The following CAMK2B variants were observed in gnomAD, a reference collection of about 807,000 sequenced individuals.
The protein encoded by CAMK2B is calcium/calmodulin-dependent protein kinase type II subunit beta.
Under a neutral mutation model 93.7 loss-of-function variants are expected in CAMK2B, and 27 were observed. That is an observed-to-expected ratio of 0.29 (90% confidence interval 0.21 to 0.40). The LOEUF is 0.40. CAMK2B is among the 10% of genes least tolerant of loss of function. The pLI is 1.00. For missense variants in CAMK2B, 568 were observed against 895.8 expected (o/e 0.63, Z 4.67); for synonymous variants, 374 against 358.8 (o/e 1.04, Z -0.48).
chr7:44,284,350 A>C, intron 1 of CAMK2B, 125 bp from the exon 2 acceptor site: 1 of 702,238 alleles, frequency 1.4e-6, no homozygotes, highest in South Asian at 1.7e-5. Context: ...GGCCTCGGGC[A>C]GATGGCTGTG....
chr7:44,230,123 C>T (rs969526839), intron 17 of CAMK2B: 1 of 152,316 alleles, frequency 6.6e-6, no homozygotes, highest in Non-Finnish European at 1.5e-5. Context: ...GATGGAGAAC[C>T]TCTGGACAGC....
At position 44,224,569 on chromosome 7, in the gene CAMK2B, G is replaced by T. The variant is rs1225699375; in HGVS notation, c.1597+1947C>A. On this transcript the variant is annotated intron_variant, in intron 20 of 23. Transcript: ENST00000395749. The surrounding 1 kb of genome is among the most constrained non-coding windows in gnomAD (Gnocchi z 4.4). ...CTTTGCATTGCCTGTGGCTCTCTTG[G>T]GGTGAGGCAACAGGTCCAGGCAGGC... Among the ~76,000 whole-genome samples, 1 of 152,110 alleles carries T rather than the reference G, an allele frequency of 6.6e-6. No homozygotes were observed. Among genetic ancestry groups the T allele is most frequent in the Non-Finnish European group, 1.5e-5 (1 of 68,014 alleles).
At chr7:44,244,925 C>T (rs780133862) in intron 6 of CAMK2B, 1 of 456,160 alleles carries the variant, frequency 2.2e-6, no homozygotes, top group East Asian at 7.0e-5. Flanking sequence ...GGGGCACACG[C>T]ATCCGTGTCC....
chr7:44,311,944 A>G lies in CAMK2B; in HGVS notation c.65+13413T>C, dbSNP rs1793677675. Among the ~76,000 whole-genome samples the G allele has an allele frequency of 6.6e-6, 1 of 152,138 alleles. No individual in the cohort carries two copies. The highest frequency in any genetic ancestry group is 1.5e-5 in the Non-Finnish European group (1 of 68,008). Reference sequence around the variant, plus strand: ...CCCAGGGTCATACAACGGGGCCCAAATGAGGCACAGGCCCATCCTCACCAC... The same window carrying G: ...CCCAGGGTCATACAACGGGGCCCAAGTGAGGCACAGGCCCATCCTCACCAC... On this transcript the variant is annotated intron_variant, in intron 1 of 23. Coordinates refer to ENST00000395749, the MANE Select transcript of CAMK2B (RefSeq NM_001220.5). This position sits in a 1 kb window ranked among gnomAD's most constrained non-coding sequence, Gnocchi z 4.2.
In CAMK2B at chr7:44,224,608, G is replaced by T. The variant is rs1011469307; in HGVS notation, c.1597+1908C>A. ...GTCCAGGCAGGCCTAATGCGTCCAG[G>T]TGGGGTCAGAGCAGGTTCTCATCCT... On this transcript the variant is annotated intron_variant, in intron 20 of 23. Transcript: ENST00000395749. This position sits in a 1 kb window ranked among gnomAD's most constrained non-coding sequence, Gnocchi z 4.4. 6.6e-6 allele frequency among the ~76,000 whole-genome samples: 1 copy of T among 152,156 alleles called. No individual in the cohort carries two copies. The highest frequency in any genetic ancestry group is 1.5e-5 in the Non-Finnish European group (1 of 68,014).
intron 16 of CAMK2B, 92 bp downstream of exon 16, chr7:44,232,730 C>A: frequency 7.8e-7 from 1 of 1,286,256 alleles, no homozygotes; most frequent in Non-Finnish European, 1.1e-6. Flanking sequence ...GGACATCTGC[C>A]CTCCACTCTG....
rs190777495 is a variant in CAMK2B at position 44,241,952 on chromosome 7, C to T, written c.820-169G>A. Among the ~76,000 whole-genome samples the T allele has an allele frequency of 8.6e-4, 131 of 152,310 alleles. 1 individual carries two copies. The highest frequency in any genetic ancestry group is 3.0e-3 in the African/African-American group (123 of 41,572). On this transcript the variant is annotated intron_variant, in intron 10 of 23. Transcript: ENST00000395749. ...GCCTGGGACTTCAAGACTCGTCTCT[C>T]CCTTGCCTCGTCCACTCTGCCCCTC... is the stretch of plus-strand genomic sequence containing the variant.
chr7:44,305,663 G>T (rs1019307565), intron 1 of CAMK2B, among the ~76,000 whole-genome samples: 3 of 152,170 alleles, frequency 2.0e-5, no homozygotes, highest in African/African-American at 4.8e-5. Flanking sequence ...CAGGACTTGA[G>T]CCAAGTAGAG....
intron 20 of CAMK2B, among the ~76,000 whole-genome samples, chr7:44,222,826 G>C (rs1258915268): frequency 2.4e-5 from 1 of 42,418 alleles, no homozygotes; most frequent in Non-Finnish European, 4.5e-5. Flanking sequence ...CACCACCAGG[G>C]AGCCCACCTG....
chr7:44,225,427 C>T lies in CAMK2B; in HGVS notation c.1597+1089G>A, dbSNP rs2096463300. Among the ~76,000 whole-genome samples the T allele has an allele frequency of 6.6e-6, 1 of 152,090 alleles. No individual in the cohort carries two copies. Among genetic ancestry groups the T allele is most frequent in the African/African-American group, 2.4e-5 (1 of 41,418 alleles). On this transcript the variant is annotated intron_variant, in intron 20 of 23. Transcript: ENST00000395749. This position sits in a 1 kb window ranked among gnomAD's most constrained non-coding sequence, Gnocchi z 5.0. ...GCCTCCCTCCTTGAGTTCTGGTCGC[C>T]CAGGCACCCCGACCCTATCAGCATC... is the stretch of plus-strand genomic sequence containing the variant.
chr7:44,225,774 C>T lies in CAMK2B; in HGVS notation c.1597+742G>A, dbSNP rs1467506919. 7.8e-7 allele frequency: 1 copy of T among 1,289,532 alleles called. No homozygotes were observed. 79.9% of individuals were successfully genotyped at this position (1,289,532 alleles called of 1,614,324 possible). On this transcript the variant is annotated intron_variant, in intron 20 of 23. Transcript: ENST00000395749. This position sits in a 1 kb window ranked among gnomAD's most constrained non-coding sequence, Gnocchi z 5.0. The stretch of plus-strand genomic sequence containing the variant: ...CCTCAAGTACTTACCTAGCCACTGC[C>T]CTGCCATGCCGAGCCCGTGGCCCAG...
At chr7:44,242,708 G>T in intron 8 of CAMK2B, 54 bp from the exon 9 acceptor site, 4 of 1,279,838 alleles carry the variant, frequency 3.1e-6, no homozygotes, top group Non-Finnish European at 4.5e-6. Context: ...CACCGTCCAT[G>T]AAGCCCATGC....
chr7:44,260,154 G>A (rs556287637), intron 3 of CAMK2B, among the ~76,000 whole-genome samples: 2 of 152,300 alleles, frequency 1.3e-5, no homozygotes, highest in East Asian at 1.9e-4. Flanking sequence ...ACAGTAAGAC[G>A]TAGCCACCTT....
intron 20 of CAMK2B, among the ~76,000 whole-genome samples, chr7:44,222,133 CAG>C (rs767451143): frequency 7.2e-5 from 11 of 152,294 alleles, no homozygotes; most frequent in Non-Finnish European, 1.3e-4. Flanking sequence ...ACACGAGTAA[CAG>C]TGGTTTCTCA....
chr7:44,320,943 A>G (rs1203026852), intron 1 of CAMK2B, among the ~76,000 whole-genome samples: 1 of 151,992 alleles, frequency 6.6e-6, no homozygotes, highest in Non-Finnish European at 1.5e-5. Flanking sequence ...AAGACAAGCT[A>G]GGGGGAGGGG....
At chr7:44,269,502 C>T (rs970418233) in intron 2 of CAMK2B, among the ~76,000 whole-genome samples, 8 of 152,192 alleles carry the variant, frequency 5.3e-5, no homozygotes, top group African/African-American at 1.9e-4. Context: ...ATGCCATCCT[C>T]CACCCTCCCA....
rs1240977064 is a variant in CAMK2B, at chr7:44,311,087, C to T, written c.65+14270G>A. ...GGTTTTTATTTTTATTATTTTTTTA[C>T]TTTTTTGAGACAGTCTCATTCTATT... On this transcript the variant is annotated intron_variant, in intron 1 of 23. Coordinates refer to ENST00000395749, the MANE Select transcript of CAMK2B (RefSeq NM_001220.5). This position sits in a 1 kb window ranked among gnomAD's most constrained non-coding sequence, Gnocchi z 4.2. 6.6e-6 allele frequency among the ~76,000 whole-genome samples: 1 copy of T among 151,944 alleles called. No homozygotes were observed. The highest frequency in any genetic ancestry group is 1.5e-5 in the Non-Finnish European group (1 of 67,980).
At chr7:44,284,254 C>T (rs370842320) in intron 1 of CAMK2B, 29 bp from the exon 2 acceptor site, 2 of 1,388,930 alleles carry the variant, frequency 1.4e-6, no homozygotes, top group Admixed American at 3.5e-5. Flanking sequence ...GAGCGAGAGA[C>T]AGAGACAGAG....
intron 2 of CAMK2B, among the ~76,000 whole-genome samples, chr7:44,275,360 C>A (rs1407931773): frequency 6.6e-6 from 1 of 152,254 alleles, no homozygotes; most frequent in African/African-American, 2.4e-5. Flanking sequence ...CCCACCCTTT[C>A]TCCACCTGAC....
Sources: gnomAD v4.1 joint callset for allele counts (sites outside exome capture counted in the v4.1 genomes callset) on GRCh38, gnomAD v4.1.1 for gene constraint, Gnocchi (gnomAD v3.1) non-coding constraint, MANE v1.5 for transcripts, NCBI Gene and HGNC (gene_info 2026-07-23, HGNC 2026-07-21) for gene names.